The following HEMK2 variants were observed in gnomAD, a reference collection of about 807,000 sequenced individuals.
HEMK2 encodes HemK methyltransferase 2, ETF1 glutamine and histone H4 lysine.
At chr21:28,845,898 A>G in the HEMK2 span, among the ~76,000 whole-genome samples, 17 of 152,176 alleles carry the variant, frequency 1.1e-4, no homozygotes, top group African/African-American at 4.1e-4. Flanking sequence ...TGTCACCCAG[A>G]TAGTCAGCAT....
the HEMK2 span, among the ~76,000 whole-genome samples, chr21:28,832,333 T>G: frequency 6.6e-6 from 1 of 152,188 alleles, no homozygotes; most frequent in South Asian, 2.1e-4. Flanking sequence ...GAAATAACAA[T>G]CAGGAGCAGT....
the HEMK2 span, among the ~76,000 whole-genome samples, chr21:28,817,363 T>G: frequency 6.6e-6 from 1 of 152,280 alleles, no homozygotes; most frequent in East Asian, 1.9e-4. Context: ...GAGGAAGATA[T>G]AGAATACAAT....
the HEMK2 span, among the ~76,000 whole-genome samples, chr21:28,652,849 C>T: frequency 6.6e-6 from 1 of 152,018 alleles, no homozygotes; most frequent in East Asian, 1.9e-4. Context: ...AAAGTGATCC[C>T]TAGATACCCT....
the HEMK2 span, among the ~76,000 whole-genome samples, chr21:28,700,042 C>A: frequency 6.6e-6 from 1 of 152,134 alleles, no homozygotes; most frequent in African/African-American, 2.4e-5. Flanking sequence ...GAGAAACAGA[C>A]CAACAGTCCC....
chr21:28,858,119 C>G, the HEMK2 span, among the ~76,000 whole-genome samples: 2 of 152,176 alleles, frequency 1.3e-5, no homozygotes, highest in Non-Finnish European at 2.9e-5. Context: ...TGTCTCTTAT[C>G]TCTTCACTCA....
chr21:28,660,110 TG>T, the HEMK2 span, among the ~76,000 whole-genome samples: 1 of 151,994 alleles, frequency 6.6e-6, no homozygotes, highest in African/African-American at 2.4e-5. Context: ...ATCTTTCATT[TG>T]TTTTTTTCTA....
At chr21:28,643,704 C>A in the HEMK2 span, among the ~76,000 whole-genome samples, 3 of 152,130 alleles carry the variant, frequency 2.0e-5, no homozygotes, top group Non-Finnish European at 2.9e-5. Context: ...TATGCTGCAG[C>A]CTTGACCTTA....
the HEMK2 span, among the ~76,000 whole-genome samples, chr21:28,669,301 G>A: frequency 6.6e-6 from 1 of 151,748 alleles, no homozygotes; most frequent in Non-Finnish European, 1.5e-5. Flanking sequence ...GGGGGCTGCA[G>A]TGAGCCGAGA....
the HEMK2 span, among the ~76,000 whole-genome samples, chr21:28,710,664 T>C: frequency 2.0e-3 from 297 of 151,606 alleles, 1 homozygote; most frequent in African/African-American, 7.0e-3. Context: ...GAAGAAGGAG[T>C]AGGAGTGAAG....
chr21:28,637,663 T>C, the HEMK2 span, among the ~76,000 whole-genome samples: 1 of 152,206 alleles, frequency 6.6e-6, no homozygotes, highest in Non-Finnish European at 1.5e-5. Context: ...TGGGTTTCTA[T>C]GCGGGGGTAG....
the HEMK2 span, among the ~76,000 whole-genome samples, chr21:28,673,062 AAAGAG>A: frequency 6.6e-6 from 1 of 151,600 alleles, no homozygotes; most frequent in Admixed American, 6.6e-5. Flanking sequence ...GAAAGAAAGA[AAAGAG>A]AAGAGAGAGA....
the HEMK2 span, among the ~76,000 whole-genome samples, chr21:28,810,990 G>C: frequency 6.6e-6 from 1 of 152,194 alleles, no homozygotes; most frequent in East Asian, 1.9e-4. Flanking sequence ...CTAAGCCAAA[G>C]ATTAAGTCCC....
At chr21:28,615,016 A>G in the HEMK2 span, among the ~76,000 whole-genome samples, 1 of 152,140 alleles carries the variant, frequency 6.6e-6, no homozygotes, top group Non-Finnish European at 1.5e-5. Context: ...TCTTGTCTAC[A>G]GGGACAGAAT....
At chr21:28,831,455 A>AAAGAAAGAAAGAAAAGAAAAG in the HEMK2 span, among the ~76,000 whole-genome samples, 15 of 57,034 alleles carry the variant, frequency 2.6e-4, 1 homozygote, top group African/African-American at 1.4e-3. Flanking sequence ...AAAAAGAAAG[A>AAAGAAAGAAAGAAAAGAAAAG]AAAGAACGAA....
chr21:28,717,712 T>A, the HEMK2 span, among the ~76,000 whole-genome samples: 10 of 152,268 alleles, frequency 6.6e-5, no homozygotes, highest in East Asian at 1.5e-3. Context: ...ACTCCTGACC[T>A]CAGGTGATCT....
At chr21:28,637,340 T>G in the HEMK2 span, among the ~76,000 whole-genome samples, 79 of 152,330 alleles carry the variant, frequency 5.2e-4, no homozygotes, top group African/African-American at 1.7e-3. Flanking sequence ...TCATAGGTTA[T>G]CATTTGTGTG....
the HEMK2 span, chr21:28,872,155 T>C: frequency 6.6e-6 from 1 of 152,144 alleles, no homozygotes; most frequent in Non-Finnish European, 1.5e-5. Context: ...GGTTATCACA[T>C]GACCAGAAAA....
chr21:28,649,094 G>T, the HEMK2 span, among the ~76,000 whole-genome samples: 1 of 151,928 alleles, frequency 6.6e-6, no homozygotes, highest in African/African-American at 2.4e-5. Context: ...TTTCATCCAC[G>T]TCCCTACAAA....
the HEMK2 span, among the ~76,000 whole-genome samples, chr21:28,691,709 G>A: frequency 1.0e-5 from 1 of 95,970 alleles, no homozygotes; most frequent in East Asian, 7.1e-4. Flanking sequence ...AGATAGTGAT[G>A]TTACGATTCA....
Sources: gnomAD v4.1 joint callset for allele counts (sites outside exome capture counted in the v4.1 genomes callset) on GRCh38, gnomAD v4.1.1 for gene constraint, MANE v1.5 for transcripts, NCBI Gene and HGNC (gene_info 2026-07-23, HGNC 2026-07-21) for gene names.